STK32B: variants seen among roughly 807,000 people sequenced by gnomAD.
STK32B encodes the protein serine/threonine kinase 32B, also known as serine/threonine-protein kinase 32B.
STK32B carries 43 observed loss-of-function variants against 52.6 expected under a neutral mutation model. That is an observed-to-expected ratio of 0.82 (90% confidence interval 0.64 to 1.05). The LOEUF (loss-of-function observed/expected upper bound fraction) is 1.05. Ranked by LOEUF, STK32B falls within the 50% of genes least tolerant of loss-of-function variation. The pLI, the probability that STK32B is intolerant of heterozygous loss-of-function variation, is 0.00. For missense variants in STK32B, 621 were observed against 534.6 expected (o/e 1.16, Z -1.59); for synonymous variants, 238 against 204.3 (o/e 1.17, Z -1.41).
chr4:5,235,253 CAT>C (rs1293758000), intron 3 of STK32B, among the ~76,000 whole-genome samples: 1 of 152,218 alleles, frequency 6.6e-6, no homozygotes, highest in Non-Finnish European at 1.5e-5. Context: ...GTACACTGCA[CAT>C]GTGTGCACAC....
chr4:5,405,415 G>T (rs1737590866), intron 5 of STK32B, among the ~76,000 whole-genome samples: 1 of 152,138 alleles, frequency 6.6e-6, no homozygotes, highest in Admixed American at 6.5e-5. Flanking sequence ...GGAGTGCTAT[G>T]GTCTGAATGT....
intron 3 of STK32B, among the ~76,000 whole-genome samples, chr4:5,172,370 C>T (rs1417207912): frequency 6.6e-6 from 1 of 152,172 alleles, no homozygotes; most frequent in East Asian, 1.9e-4. Context: ...TGAGAGAGGG[C>T]ATCCGTGTCT....
chr4:5,249,248 C>T (rs1725707464), intron 3 of STK32B, among the ~76,000 whole-genome samples: 2 of 152,030 alleles, frequency 1.3e-5, no homozygotes, highest in Non-Finnish European at 2.9e-5. Context: ...GAATTCTGGC[C>T]ATCAGTTGCT....
chr4:5,398,933 C>T lies in STK32B; in HGVS notation c.472+689C>T, dbSNP rs1295490882. 6.6e-6 allele frequency among the ~76,000 whole-genome samples: 1 copy of T among 152,158 alleles called. No individual in the cohort carries two copies. The highest frequency in any genetic ancestry group is 1.5e-5 in the Non-Finnish European group (1 of 68,020). ...AGTGGCTCTCCAACTCTGGCCTTAC[C>T]AGAATTACCTGGGGGACCTGGTAAA... On this transcript the variant is annotated intron_variant, in intron 5 of 11. Coordinates refer to ENST00000282908, the MANE Select transcript of STK32B (RefSeq NM_018401.3). This position sits in a 1 kb window ranked among gnomAD's most constrained non-coding sequence, Gnocchi z 4.9.
chr4:5,350,811 G>A (rs1733776341), intron 4 of STK32B, among the ~76,000 whole-genome samples: 1 of 151,760 alleles, frequency 6.6e-6, no homozygotes, highest in Admixed American at 6.6e-5. Flanking sequence ...TCCATGCAAA[G>A]AAAAACCAAA....
Position 5,498,946 on chromosome 4 carries a change from C to T in STK32B, c.1108C>T (p.Leu370Phe), listed in dbSNP as rs752741978. 1.2e-6 allele frequency: 2 copies of T among 1,611,516 alleles called. No individual in the cohort carries two copies. The highest frequency in any genetic ancestry group is 1.3e-5 in the African/African-American group (1 of 74,846). Residue 370 changes from leucine (L) to phenylalanine (F), a missense_variant and splice_region_variant, in exon 12 of 12, where the codon CTC becomes TTC. Transcript: ENST00000282908. ...ACTCAGATCTGTGCTTGTTTGCAGG[C>T]TCAGGAGGCAGCAGGGACAGGGCAG... ...EEFIIFNREK[L>F]RRQQGQGSQL...
rs1228274187 is a variant in STK32B at position 5,344,475 on chromosome 4, A to G, written c.434+13082A>G. On this transcript the variant is annotated intron_variant, in intron 4 of 11. Transcript: ENST00000282908. ...CTAACAGTTTCAGTACTGATGACCC[A>G]CTCACTTCATCAGACTCACAGTCTT... 2.6e-5 allele frequency among the ~76,000 whole-genome samples: 4 copies of G among 152,090 alleles called. No homozygotes were observed. In the East Asian group the frequency reaches 5.8e-4, roughly 22 times the overall value.
intron 11 of STK32B, among the ~76,000 whole-genome samples, chr4:5,492,858 G>A (rs1312629332): frequency 1.3e-5 from 2 of 150,972 alleles, no homozygotes; most frequent in Non-Finnish European, 2.9e-5. Context: ...CTTTGGTTCT[G>A]TTTATATGCT....
chr4:5,175,943 G>T (rs906486736), intron 3 of STK32B, among the ~76,000 whole-genome samples: 16 of 152,252 alleles, frequency 1.1e-4, no homozygotes, highest in Admixed American at 3.9e-4. Context: ...GCTGTGGTGG[G>T]CTCCACCCAC....
intron 4 of STK32B, among the ~76,000 whole-genome samples, chr4:5,387,488 G>A (rs1432531230): frequency 6.6e-6 from 1 of 152,216 alleles, no homozygotes; most frequent in Non-Finnish European, 1.5e-5. Flanking sequence ...AGGGCTTGAA[G>A]GAGGGCTTCT....
intron 3 of STK32B, among the ~76,000 whole-genome samples, chr4:5,201,073 C>T (rs564490879): frequency 3.3e-5 from 5 of 152,262 alleles, no homozygotes; most frequent in Admixed American, 1.3e-4. Context: ...TTGCCCCACT[C>T]AGTAGTAAAA....
chr4:5,109,097 A>G (rs958023154), intron 1 of STK32B, among the ~76,000 whole-genome samples: 1 of 152,192 alleles, frequency 6.6e-6, no homozygotes, highest in African/African-American at 2.4e-5. Flanking sequence ...GACTAAAGCC[A>G]CATTCTTATC....
rs774057937 is a variant in STK32B at position 5,193,353 on chromosome 4, G to A, written c.260+24903G>A. Among the ~76,000 whole-genome samples, 8 of 152,146 alleles carry A rather than the reference G, an allele frequency of 5.3e-5. No individual in the cohort carries two copies. In the East Asian group the frequency reaches 1.5e-3, roughly 29 times the overall value. ...TGAATGAAAGGGAATGCCGTGAACC[G>A]GTACCTCAGCTTAGTAGATGAACAC... is the stretch of plus-strand genomic sequence containing the variant. On this transcript the variant is annotated intron_variant, in intron 3 of 11. Transcript: ENST00000282908.
intron 3 of STK32B, among the ~76,000 whole-genome samples, chr4:5,318,592 T>C (rs1286254602): frequency 6.6e-6 from 1 of 152,068 alleles, no homozygotes; most frequent in Non-Finnish European, 1.5e-5. Flanking sequence ...ACTGCAGTGA[T>C]TTAAATGGTG....
At chr4:5,039,290 C>T in the STK32B span, among the ~76,000 whole-genome samples, 1 of 152,208 alleles carries the variant, frequency 6.6e-6, no homozygotes, top group Non-Finnish European at 1.5e-5. Flanking sequence ...CGAGGCACCA[C>T]ACTTGGCCAC....
chr4:5,056,793 G>T (rs560222718), intron 1 of STK32B, among the ~76,000 whole-genome samples: 117 of 152,328 alleles, frequency 7.7e-4, no homozygotes, highest in African/African-American at 2.6e-3. Flanking sequence ...TTGGATTCAG[G>T]GGGTAGAGTC....
chr4:5,157,933 A>G (rs1717998044), intron 2 of STK32B, among the ~76,000 whole-genome samples: 1 of 152,178 alleles, frequency 6.6e-6, no homozygotes, highest in African/African-American at 2.4e-5. Context: ...GTTCATGCAG[A>G]CATCTTCATG....
upstream of STK32B, among the ~76,000 whole-genome samples, chr4:5,048,311 T>G (rs1372352974): frequency 1.3e-5 from 2 of 149,532 alleles, no homozygotes; most frequent in African/African-American, 2.5e-5. Flanking sequence ...TTTTTTTTTT[T>G]TTTTTTGAGA....
At chr4:5,492,288 C>T (rs1393436963) in intron 11 of STK32B, among the ~76,000 whole-genome samples, 1 of 152,054 alleles carries the variant, frequency 6.6e-6, no homozygotes, top group South Asian at 2.1e-4. Context: ...TTGAAGAGGT[C>T]CTTCACATCC....
Sources: gnomAD v4.1 joint callset for allele counts (sites outside exome capture counted in the v4.1 genomes callset) on GRCh38, gnomAD v4.1.1 for gene constraint, Gnocchi (gnomAD v3.1) non-coding constraint, MANE v1.5 for transcripts, NCBI Gene and HGNC (gene_info 2026-07-23, HGNC 2026-07-21) for gene names.